Variants in CACNA1C observed in about 807,000 individuals in gnomAD.
CACNA1C encodes voltage-dependent L-type calcium channel subunit alpha-1C.
In CACNA1C, 30 loss-of-function variants were observed where a neutral mutation model predicts 229.0. That is an observed-to-expected ratio of 0.13 (90% CI 0.10 to 0.18). The LOEUF is 0.18. Ranked by LOEUF, CACNA1C falls within the 10% of genes least tolerant of loss-of-function variation. CACNA1C has a pLI of 1.00. For missense variants in CACNA1C, 1,658 were observed against 2,845.0 expected, an observed-to-expected ratio of 0.58 and a Z score of 9.49; for synonymous variants, 1,114 against 1,132.5, an observed-to-expected ratio of 0.98 and a Z score of 0.33.
chr12:2,455,885 AGCACT>A lies in CACNA1C; in HGVS notation c.618-1678_618-1674del, dbSNP rs559239005. Among the ~76,000 whole-genome samples the A allele has an allele frequency of 3.7e-3, 567 of 152,184 alleles. 4 individuals carry two copies. Among genetic ancestry groups the A allele is most frequent in the African/African-American group, 0.013 (552 of 41,518 alleles). ...TCCTCTCTTGACCCCTCAATGTGGGAGCACTGCAGGGTTGAGTGCTTTCACATCCT... is the reference window on the plus strand; with the variant it reads ...TCCTCTCTTGACCCCTCAATGTGGGAGCAGGGTTGAGTGCTTTCACATCCT... On this transcript the variant is annotated intron_variant, in intron 4 of 46. Coordinates refer to ENST00000399655, the MANE Select transcript of CACNA1C (RefSeq NM_000719.7).
chr12:2,249,236 G>C (rs1288246573), intron 3 of CACNA1C, among the ~76,000 whole-genome samples: 1 of 152,168 alleles, frequency 6.6e-6, no homozygotes, highest in African/African-American at 2.4e-5. Context: ...ATACTTCACT[G>C]GGTCATGGTG....
chr12:2,617,608 A>G (rs2081290392), intron 29 of CACNA1C, among the ~76,000 whole-genome samples: 1 of 152,148 alleles, frequency 6.6e-6, no homozygotes, highest in African/African-American at 2.4e-5. Flanking sequence ...TGCTGTTCTT[A>G]GGACTGGTTT....
intron 4 of CACNA1C, among the ~76,000 whole-genome samples, 195 bp from the exon 5 acceptor site, chr12:2,457,372 G>C (rs533644180): frequency 3.9e-5 from 6 of 152,332 alleles, no homozygotes; most frequent in African/African-American, 1.4e-4. Context: ...TGGCACCCTG[G>C]GCATGGCCAC....
intron 3 of CACNA1C, among the ~76,000 whole-genome samples, chr12:2,392,273 T>C (rs7296821): frequency 0.43 from 66,041 of 152,144 alleles, 14,504 homozygotes; most frequent in South Asian, 0.46. Flanking sequence ...GTCTTTCCAC[T>C]GCTACCATCA....
At chr12:2,296,622 C>T (rs1313718167) in intron 3 of CACNA1C, among the ~76,000 whole-genome samples, 5 of 151,980 alleles carry the variant, frequency 3.3e-5, no homozygotes, top group African/African-American at 1.2e-4. Flanking sequence ...AGCCTTCTGC[C>T]TTAGGCTTTT....
At chr12:2,116,555 A>T in intron 2 of CACNA1C, among the ~76,000 whole-genome samples, 1 of 151,884 alleles carries the variant, frequency 6.6e-6, no homozygotes, top group East Asian at 1.9e-4. Flanking sequence ...TTTTAGTAGA[A>T]ACGGGGTTTC....
chr12:2,335,914 C>T (rs1593189772), intron 3 of CACNA1C, among the ~76,000 whole-genome samples: 1 of 151,438 alleles, frequency 6.6e-6, no homozygotes, highest in East Asian at 2.0e-4. Flanking sequence ...AAAATCAAGG[C>T]TGATCCTAAG....
At chr12:2,055,822 C>T (rs1292535266) in intron 1 of CACNA1C, among the ~76,000 whole-genome samples, 7 of 152,222 alleles carry the variant, frequency 4.6e-5, no homozygotes, top group Non-Finnish European at 1.0e-4. Context: ...CTCCCCTCTA[C>T]TCTCCATCTT....
intron 5 of CACNA1C, among the ~76,000 whole-genome samples, chr12:2,475,938 G>T (rs548718305): frequency 3.9e-5 from 6 of 152,274 alleles, no homozygotes; most frequent in African/African-American, 1.4e-4. Flanking sequence ...TTTGTTTTGT[G>T]ATAAATCATA....
At chr12:2,688,059 T>G (rs1409534957) in intron 45 of CACNA1C, among the ~76,000 whole-genome samples, 1 of 152,188 alleles carries the variant, frequency 6.6e-6, no homozygotes, top group Non-Finnish European at 1.5e-5. Flanking sequence ...ATAGACAGCA[T>G]TCGTTTTCTG....
At chr12:2,613,521 A>G (rs1396544603) in intron 29 of CACNA1C, 6 of 152,252 alleles carry the variant, frequency 3.9e-5, no homozygotes, top group African/African-American at 9.6e-5. Context: ...TGTCACTCAA[A>G]GAATGCCTGG....
chr12:2,386,377 A>T lies in CACNA1C; in HGVS notation c.478-62599A>T, dbSNP rs137915282. 1.6e-3 allele frequency among the ~76,000 whole-genome samples: 250 copies of T among 152,272 alleles called. 1 individual carries two copies. The highest frequency in any genetic ancestry group is 5.7e-3 in the African/African-American group (235 of 41,564). ...ATCTGACTCTTTCTGCCTCTTGAGC[A>T]AGCCTCATCTCTTAGAAAAACTCTC... On this transcript the variant is annotated intron_variant, in intron 3 of 46. Transcript: ENST00000399655.
intron 3 of CACNA1C, among the ~76,000 whole-genome samples, chr12:2,186,428 C>T (rs1201003882): frequency 1.2e-4 from 18 of 152,132 alleles, no homozygotes; most frequent in Non-Finnish European, 4.4e-5. Flanking sequence ...GGCAGGTGGC[C>T]GCTGAGGGGG....
chr12:2,465,976 T>G (rs1220496724), intron 5 of CACNA1C, among the ~76,000 whole-genome samples: 1 of 152,048 alleles, frequency 6.6e-6, no homozygotes, highest in African/African-American at 2.4e-5. Context: ...ATACGATGAA[T>G]ATTGACTTAA....
chr12:2,514,070 G>A (rs2099790940), intron 9 of CACNA1C, among the ~76,000 whole-genome samples: 1 of 152,188 alleles, frequency 6.6e-6, no homozygotes, highest in Non-Finnish European at 1.5e-5. Context: ...TAAACACTGA[G>A]CATCTAGAGT....
chr12:2,459,995 C>T (rs552449155), intron 5 of CACNA1C, among the ~76,000 whole-genome samples: 2 of 152,356 alleles, frequency 1.3e-5, no homozygotes, highest in South Asian at 4.1e-4. Flanking sequence ...ATCTCAAACT[C>T]TGCATGGCTT....
At chr12:2,674,431 G>A (rs2096704768) in intron 38 of CACNA1C, 110 bp from the exon 39 acceptor site, 1 of 1,447,336 alleles carries the variant, frequency 6.9e-7, no homozygotes, top group Admixed American at 2.4e-5. Context: ...AAACTGATGA[G>A]TCAGGGTTGC....
chr12:2,378,389 T>C (rs2154544291), intron 3 of CACNA1C, among the ~76,000 whole-genome samples: 1 of 152,292 alleles, frequency 6.6e-6, no homozygotes, highest in Non-Finnish European at 1.5e-5. Context: ...CTTTTAAAAC[T>C]GTTTTTACAT....
rs369268832 is a variant in CACNA1C, at chr12:2,585,435, A to C, written c.2399A>C (p.Lys800Thr). Reference sequence around the variant, plus strand: ...GAGAAGCCGGCAGTGGGGGAATCCAAGGAGGAGAAGATTGAGCTGAAATCC... The same window carrying C: ...GAGAAGCCGGCAGTGGGGGAATCCACGGAGGAGAAGATTGAGCTGAAATCC... ...LVEKPAVGES[K>T]EEKIELKSIT... Residue 800 changes from lysine (K) to threonine (T), a missense_variant, in exon 17 of 47, where the codon AAG (lysine) becomes ACG (threonine). Transcript: ENST00000399655. This position sits in a 1 kb window ranked among gnomAD's most constrained non-coding sequence, Gnocchi z 4.1. 2 of 1,605,550 alleles carry C rather than the reference A, an allele frequency of 1.2e-6. No homozygotes were observed. The highest frequency in any genetic ancestry group is 1.7e-6 in the Non-Finnish European group (2 of 1,175,646).
Sources: gnomAD v4.1 joint callset for allele counts (sites outside exome capture counted in the v4.1 genomes callset) on GRCh38, gnomAD v4.1.1 for gene constraint, Gnocchi (gnomAD v3.1) non-coding constraint, MANE v1.5 for transcripts, NCBI Gene and HGNC (gene_info 2026-07-23, HGNC 2026-07-21) for gene names.